ARHGAP24: variants seen among roughly 807,000 people sequenced by gnomAD.
ARHGAP24 encodes rho GTPase-activating protein 24.
A neutral mutation model predicts 76.4 loss-of-function variants in ARHGAP24; 50 were observed. The observed-to-expected ratio is 0.65, with a 90% confidence interval of 0.52 to 0.83. ARHGAP24 has a LOEUF of 0.83. Among genes scored for constraint, ARHGAP24 ranks in the 40% least tolerant of loss-of-function variants. The probability of loss-of-function intolerance (pLI) is 0.00; values close to 1 mark genes in which losing one functional copy is unlikely to be tolerated. For synonymous variants in ARHGAP24, 345 were observed against 323.3 expected (o/e 1.07, Z -0.72); for missense variants, 930 against 914.2 (o/e 1.02, Z -0.22).
chr4:85,905,386 GT>G (rs11330411), intron 3 of ARHGAP24, among the ~76,000 whole-genome samples: 100,761 of 151,834 alleles, frequency 0.66, 34,411 homozygotes, highest in East Asian at 0.99. Flanking sequence ...AAGACAGTCT[GT>G]TTTTTTGGCA....
chr4:85,626,728 T>A (rs1052183680), intron 2 of ARHGAP24, among the ~76,000 whole-genome samples: 1 of 152,206 alleles, frequency 6.6e-6, no homozygotes, highest in African/African-American at 2.4e-5. Flanking sequence ...AGACGTAGAT[T>A]TGGTCTTTTC....
chr4:85,868,530 G>A (rs139027329), intron 3 of ARHGAP24, among the ~76,000 whole-genome samples: 14 of 152,166 alleles, frequency 9.2e-5, no homozygotes, highest in African/African-American at 3.1e-4. Context: ...CAAAGTATTG[G>A]CCTATACTCT....
At chr4:85,774,548 A>G (rs1727239773) in intron 3 of ARHGAP24, among the ~76,000 whole-genome samples, 1 of 152,224 alleles carries the variant, frequency 6.6e-6, no homozygotes, top group Non-Finnish European at 1.5e-5. Flanking sequence ...GAAATGAAAG[A>G]GATTTCCGGA....
At chr4:85,921,316 G>A (rs1735709721) in intron 3 of ARHGAP24, among the ~76,000 whole-genome samples, 1 of 152,162 alleles carries the variant, frequency 6.6e-6, no homozygotes, top group Admixed American at 6.5e-5. Context: ...TCACTTATAA[G>A]TGGGAGCTAA....
chr4:85,583,812 A>T (rs1299159723), intron 2 of ARHGAP24, among the ~76,000 whole-genome samples: 1 of 151,362 alleles, frequency 6.6e-6, no homozygotes, highest in Non-Finnish European at 1.5e-5. Context: ...AAAAGAAGAC[A>T]TTTATGCAGC....
At chr4:85,478,334 C>T (rs937749462) in intron 1 of ARHGAP24, among the ~76,000 whole-genome samples, 1 of 152,206 alleles carries the variant, frequency 6.6e-6, no homozygotes, top group Non-Finnish European at 1.5e-5. Flanking sequence ...GAGTGGAAGC[C>T]TCACATCGAG....
At chr4:85,641,917 A>T (rs1412990601) in intron 2 of ARHGAP24, among the ~76,000 whole-genome samples, 6 of 152,152 alleles carry the variant, frequency 3.9e-5, no homozygotes, top group Non-Finnish European at 7.3e-5. Flanking sequence ...GAGAGGCATG[A>T]TTGATAACCA....
At chr4:85,855,261 T>C (rs1731486865) in intron 3 of ARHGAP24, among the ~76,000 whole-genome samples, 1 of 152,192 alleles carries the variant, frequency 6.6e-6, no homozygotes, top group Non-Finnish European at 1.5e-5. Flanking sequence ...TCAAACTCTA[T>C]ATCCAATGTT....
intron 2 of ARHGAP24, among the ~76,000 whole-genome samples, chr4:85,582,170 A>G (rs1048348281): frequency 6.6e-6 from 1 of 152,168 alleles, no homozygotes; most frequent in Admixed American, 6.5e-5. Context: ...AGAGTATCCT[A>G]TGGGAAAATG....
chr4:85,570,722 G>A lies in ARHGAP24; in HGVS notation c.180+1G>A, dbSNP rs746812851. 1.2e-6 allele frequency: 2 copies of A among 1,613,868 alleles called. No homozygotes were observed. Among genetic ancestry groups the A allele is most frequent in the African/African-American group, 1.3e-5 (1 of 74,892 alleles). ...AGATGAAGATGAAACCAAGCCCTTG[G>A]TGAGTAGGAGAAAATGTAAAGCATT... On this transcript the variant is annotated splice_donor_variant, in intron 2 of 9. Transcript: ENST00000395184. LOFTEE classifies it high-confidence loss of function.
chr4:85,869,103 C>CT (rs1732379335), intron 3 of ARHGAP24, among the ~76,000 whole-genome samples: 1 of 152,124 alleles, frequency 6.6e-6, no homozygotes, highest in Admixed American at 6.6e-5. Flanking sequence ...CTCCCAATCT[C>CT]TTATTTCTTC....
intron 2 of ARHGAP24, among the ~76,000 whole-genome samples, chr4:85,645,504 T>C (rs546206354): frequency 1.2e-4 from 19 of 152,182 alleles, no homozygotes; most frequent in Non-Finnish European, 2.4e-4. Flanking sequence ...TGAAGAGATA[T>C]CTTTGTACTA....
chr4:85,973,184 T>C (rs1489897933), intron 6 of ARHGAP24, among the ~76,000 whole-genome samples: 2 of 152,236 alleles, frequency 1.3e-5, no homozygotes, highest in African/African-American at 4.8e-5. Context: ...TTCAAATGTC[T>C]ACCATCACTT....
At chr4:85,844,145 A>T (rs1455643128) in intron 3 of ARHGAP24, among the ~76,000 whole-genome samples, 2 of 152,236 alleles carry the variant, frequency 1.3e-5, no homozygotes, top group Non-Finnish European at 1.5e-5. Context: ...TAGTATTGTT[A>T]ATAAACTGTT....
At chr4:85,683,553 C>T (rs1395278016) in intron 2 of ARHGAP24, among the ~76,000 whole-genome samples, 1 of 152,150 alleles carries the variant, frequency 6.6e-6, no homozygotes, top group Non-Finnish European at 1.5e-5. Context: ...ATTATTTTAA[C>T]ATATTTTGAA....
At chr4:85,738,282 T>G (rs904362321) in intron 3 of ARHGAP24, among the ~76,000 whole-genome samples, 2 of 152,002 alleles carry the variant, frequency 1.3e-5, no homozygotes, top group Non-Finnish European at 2.9e-5. Context: ...ATATTGACTA[T>G]CTTTTCATGT....
At chr4:85,624,982 G>A (rs1299117801) in intron 2 of ARHGAP24, among the ~76,000 whole-genome samples, 1 of 151,810 alleles carries the variant, frequency 6.6e-6, no homozygotes, top group Non-Finnish European at 1.5e-5. Context: ...TATTAGTCTT[G>A]CTAGCAGTCT....
At chr4:85,966,066 G>C (rs949418385) in intron 5 of ARHGAP24, among the ~76,000 whole-genome samples, 3 of 152,154 alleles carry the variant, frequency 2.0e-5, no homozygotes, top group Admixed American at 1.3e-4. Flanking sequence ...TAATATGGTT[G>C]TGCTCTGGTG....
intron 2 of ARHGAP24, among the ~76,000 whole-genome samples, chr4:85,678,117 C>A (rs1265058789): frequency 1.3e-5 from 2 of 152,022 alleles, no homozygotes; most frequent in Non-Finnish European, 2.9e-5. Flanking sequence ...TGCCTGAATT[C>A]CAACACTTTG....
Sources: gnomAD v4.1 joint callset for allele counts (sites outside exome capture counted in the v4.1 genomes callset) on GRCh38, gnomAD v4.1.1 for gene constraint, MANE v1.5 for transcripts, NCBI Gene and HGNC (gene_info 2026-07-23, HGNC 2026-07-21) for gene names.